CLIC4: variants seen among roughly 807,000 people sequenced by gnomAD.
CLIC4 encodes chloride intracellular channel protein 4.
A neutral mutation model predicts 24.6 loss-of-function variants in CLIC4; 13 were observed. The observed-to-expected ratio is 0.53, with a 90% confidence interval of 0.34 to 0.84. CLIC4 has a LOEUF of 0.84. Among genes scored for constraint, CLIC4 ranks in the 40% least tolerant of loss-of-function variants. The pLI, the probability that CLIC4 is intolerant of heterozygous loss-of-function variation, is 0.01. For synonymous variants in CLIC4, 104 were observed against 111.3 expected, an observed-to-expected ratio of 0.93 and a Z score of 0.41; for missense variants, 227 against 301.7, an observed-to-expected ratio of 0.75 and a Z score of 1.83.
chr1:24,773,359 C>T (rs1639095091), intron 1 of CLIC4, among the ~76,000 whole-genome samples: 1 of 152,044 alleles, frequency 6.6e-6, no homozygotes, highest in Non-Finnish European at 1.5e-5. Flanking sequence ...TCATTGTTTT[C>T]TTGTACTCTT....
Position 24,786,734 on chromosome 1 carries a change from C to T in CLIC4, c.73-11008C>T, listed in dbSNP as rs1276482212. Among the ~76,000 whole-genome samples, 3 of 152,052 alleles carry T rather than the reference C, an allele frequency of 2.0e-5. No homozygotes were observed. The East Asian group carries it at 5.8e-4, about 29-fold the overall frequency. ...CCAGGTTCACGCCATTCTCCTGCCT[C>T]AGCCTCCCGAGTAGCTGGGACTACA... On this transcript the variant is annotated intron_variant, in intron 1 of 5. Coordinates refer to ENST00000374379, the MANE Select transcript of CLIC4 (RefSeq NM_013943.3).
chr1:24,763,533 CAAAAAAAAA>C (rs33955013), intron 1 of CLIC4, among the ~76,000 whole-genome samples: 1 of 78,960 alleles, frequency 1.3e-5, no homozygotes, highest in Non-Finnish European at 2.2e-5. Flanking sequence ...ACTCCGTCTC[CAAAAAAAAA>C]AAAAAAAAAA....
At chr1:24,751,272 C>T (rs181149225) in intron 1 of CLIC4, among the ~76,000 whole-genome samples, 153 of 143,626 alleles carry the variant, frequency 1.1e-3, no homozygotes, top group African/African-American at 3.4e-3. Flanking sequence ...TGCAGTGGCA[C>T]GATCTTGGCT....
intron 3 of CLIC4, among the ~76,000 whole-genome samples, chr1:24,816,002 G>T (rs1639663882): frequency 6.6e-6 from 1 of 152,124 alleles, no homozygotes; most frequent in Non-Finnish European, 1.5e-5. Context: ...CTCATCATAA[G>T]AAGCAACTCC....
At chr1:24,838,885 TTCTGAATCATGACAA>T (rs1293094414) in intron 4 of CLIC4, among the ~76,000 whole-genome samples, 2 of 152,202 alleles carry the variant, frequency 1.3e-5, no homozygotes, top group African/African-American at 4.8e-5. Context: ...TTATCCTTTC[TTCTGAATCATGACAA>T]TCAGAATCAT....
chr1:24,771,382 A>G (rs1423757520), intron 1 of CLIC4, among the ~76,000 whole-genome samples: 1 of 152,138 alleles, frequency 6.6e-6, no homozygotes, highest in African/African-American at 2.4e-5. Context: ...AATCACCTTT[A>G]ATTACATTTT....
At chr1:24,795,624 G>A (rs1236499476) in intron 1 of CLIC4, among the ~76,000 whole-genome samples, 10 of 152,168 alleles carry the variant, frequency 6.6e-5, no homozygotes, top group African/African-American at 2.4e-4. Flanking sequence ...AGGCTGGAGT[G>A]CAGTGGCACG....
At chr1:24,774,353 A>G (rs1379084803) in intron 1 of CLIC4, among the ~76,000 whole-genome samples, 1 of 152,248 alleles carries the variant, frequency 6.6e-6, no homozygotes, top group African/African-American at 2.4e-5. Flanking sequence ...TTCTGAAATT[A>G]AGTCATTTAG....
At chr1:24,746,018 A>G (rs1638691061) in intron 1 of CLIC4, among the ~76,000 whole-genome samples, 1 of 151,008 alleles carries the variant, frequency 6.6e-6, no homozygotes, top group South Asian at 2.1e-4. Context: ...CCCGCTCCCC[A>G]GCGCTCCGGT....
chr1:24,755,332 A>G (rs1039358390), intron 1 of CLIC4, among the ~76,000 whole-genome samples: 11 of 143,944 alleles, frequency 7.6e-5, no homozygotes, highest in Middle Eastern at 4.1e-3. Context: ...CCAGCTACTC[A>G]GGAGGCTGAG....
chr1:24,754,036 G>C (rs1412972845), intron 1 of CLIC4, among the ~76,000 whole-genome samples: 1 of 152,088 alleles, frequency 6.6e-6, no homozygotes, highest in Non-Finnish European at 1.5e-5. Context: ...GTTTCCGGGG[G>C]GAAAATTCAG....
chr1:24,746,731 G>A (rs1638704317), intron 1 of CLIC4, among the ~76,000 whole-genome samples: 6 of 152,312 alleles, frequency 3.9e-5, no homozygotes, highest in Middle Eastern at 3.4e-3. Flanking sequence ...GAGAAGGGCT[G>A]GGCGCGGTGG....
chr1:24,745,581 C>T lies in CLIC4; in HGVS notation c.28C>T (p.Leu10=), dbSNP rs770829241. 1.4e-5 allele frequency: 22 copies of T among 1,592,116 alleles called. No individual in the cohort carries two copies. The highest frequency in any genetic ancestry group is 1.9e-5 in the Non-Finnish European group (22 of 1,171,852). The change falls in exon 1 of 6, where the codon CTG becomes TTG. Residue 10 remains leucine (L), a synonymous_variant. Transcript: ENST00000374379. The part of the protein sequence containing the change: MALSMPLNG[L]KEEDKEPLIE... ...GGCGTTGTCGATGCCGCTGAATGGG[C>T]TGAAGGAGGAGGACAAAGAGCCCCT...
Position 24,797,823 on chromosome 1 carries a change from T to G in CLIC4, c.154T>G (p.Phe52Val). The G allele has an allele frequency of 1.2e-6, 2 of 1,613,512 alleles. No individual in the cohort carries two copies. The highest frequency in any genetic ancestry group is 1.7e-6 in the Non-Finnish European group (2 of 1,179,744). Residue 52 changes from phenylalanine (F) to valine (V), a missense_variant, in exon 2 of 6, where the codon TTT becomes GTT. Phe to Val is a conservative substitution (Grantham distance 50, BLOSUM62 -1). Coordinates refer to ENST00000374379, the MANE Select transcript of CLIC4 (RefSeq NM_013943.3). ...FMILWLKGVV[F>V]SVTTVDLKRK... is the part of the protein sequence containing the mutation. ...GATTCTTTGGCTCAAAGGAGTTGTA[T>G]TTAGTGTGACGACTGTTGACCTGAA...
chr1:24,784,476 T>C lies in CLIC4; in HGVS notation c.73-13266T>C, dbSNP rs552464499. Among the ~76,000 whole-genome samples the C allele has an allele frequency of 5.9e-5, 9 of 152,298 alleles. No homozygotes were observed. The South Asian group carries it at 1.9e-3, about 32-fold the overall frequency. On this transcript the variant is annotated intron_variant, in intron 1 of 5. Coordinates refer to ENST00000374379, the MANE Select transcript of CLIC4 (RefSeq NM_013943.3). Reference sequence around the variant, plus strand: ...GATTAATACATGTGAAGAGCTTGTTTTGGACGAGCAGAGAGATTTGTCTTC... The same window carrying C: ...GATTAATACATGTGAAGAGCTTGTTCTGGACGAGCAGAGAGATTTGTCTTC...
chr1:24,839,594 C>T (rs1260458109), intron 4 of CLIC4, among the ~76,000 whole-genome samples: 4 of 152,170 alleles, frequency 2.6e-5, no homozygotes, highest in Non-Finnish European at 4.4e-5. Flanking sequence ...CCACCGCGCC[C>T]GGCCATTTGT....
chr1:24,764,931 C>G lies in CLIC4; in HGVS notation c.72+19306C>G, dbSNP rs541546574. 3.9e-5 allele frequency among the ~76,000 whole-genome samples: 6 copies of G among 152,220 alleles called. No individual in the cohort carries two copies. In the South Asian group the frequency reaches 1.2e-3, roughly 32 times the overall value. ...CATTAAACATGTCTTTACTAAGTGC[C>G]TACTAGGAACTGCTCTAAGCTCTGG... On this transcript the variant is annotated intron_variant, in intron 1 of 5. Transcript: ENST00000374379.
At chr1:24,760,824 A>G (rs1455337176) in intron 1 of CLIC4, among the ~76,000 whole-genome samples, 1 of 152,070 alleles carries the variant, frequency 6.6e-6, no homozygotes, top group Non-Finnish European at 1.5e-5. Flanking sequence ...GGTTAAGGAA[A>G]TTTTTTGAAG....
At chr1:24,789,189 GC>G (rs780101384) in intron 1 of CLIC4, among the ~76,000 whole-genome samples, 8 of 152,192 alleles carry the variant, frequency 5.3e-5, no homozygotes, top group Non-Finnish European at 1.0e-4. Flanking sequence ...ATCCAGTGAA[GC>G]CTTCAGGAAT....
Sources: allele counts gnomAD v4.1 joint callset (sites outside exome capture counted in the v4.1 genomes callset), GRCh38; gene constraint gnomAD v4.1.1; transcripts MANE v1.5; gene names NCBI Gene and HGNC (gene_info 2026-07-23, HGNC 2026-07-21).